Variants in PDE10A observed in about 807,000 individuals in gnomAD.
PDE10A encodes the protein phosphodiesterase 10A, also known as cAMP and cAMP-inhibited cGMP 3',5'-cyclic phosphodiesterase 10A.
Under a neutral mutation model 97.7 loss-of-function variants are expected in PDE10A, and 39 were observed. The ratio of observed to expected loss-of-function variants is 0.40; its 90% CI spans 0.31 to 0.52. The LOEUF (loss-of-function observed/expected upper bound fraction) is 0.52, where lower values mean the gene tolerates loss of function less well. Ranked by LOEUF, PDE10A falls within the 20% of genes least tolerant of loss-of-function variation. The pLI is 0.56. For missense variants in PDE10A, 731 were observed against 1,047.8 expected (o/e 0.70, Z 4.17); for synonymous variants, 371 against 376.8 (o/e 0.98, Z 0.18).
chr6:165,886,675 G>A (rs1455430041), intron 1 of PDE10A, among the ~76,000 whole-genome samples: 5 of 152,184 alleles, frequency 3.3e-5, no homozygotes, highest in African/African-American at 1.2e-4. Flanking sequence ...TGTTGGCTTG[G>A]TTTGGGGTTC....
intron 1 of PDE10A, among the ~76,000 whole-genome samples, chr6:165,855,870 C>G (rs1780718936): frequency 6.6e-6 from 1 of 152,154 alleles, no homozygotes; most frequent in South Asian, 2.1e-4. Context: ...TCGGAAGTGT[C>G]AGGAAGCCCC....
At chr6:165,430,685 G>C (rs751101734) in intron 8 of PDE10A, among the ~76,000 whole-genome samples, 25 of 152,080 alleles carry the variant, frequency 1.6e-4, no homozygotes, top group Admixed American at 2.6e-4. Context: ...GTCGACCCAA[G>C]TCTCTCTTTA....
intron 18 of PDE10A, among the ~76,000 whole-genome samples, chr6:165,347,862 G>A (rs143505881): frequency 0.01 from 1,571 of 152,202 alleles, 22 homozygotes; most frequent in African/African-American, 0.036. Context: ...TAAAAAACAG[G>A]TAACACATCA....
At chr6:165,477,801 T>A (rs1312187751) in intron 3 of PDE10A, among the ~76,000 whole-genome samples, 1 of 152,234 alleles carries the variant, frequency 6.6e-6, no homozygotes, top group Non-Finnish European at 1.5e-5. Context: ...AAAGATGGAA[T>A]GAAGGTGAAA....
chr6:165,533,341 A>C (rs182394142), intron 2 of PDE10A, among the ~76,000 whole-genome samples: 1 of 152,288 alleles, frequency 6.6e-6, no homozygotes, highest in East Asian at 1.9e-4. Context: ...TAGATGGTAT[A>C]GCCTACTTCA....
chr6:165,373,902 T>TA (rs1784433908), intron 18 of PDE10A, among the ~76,000 whole-genome samples: 1 of 151,528 alleles, frequency 6.6e-6, no homozygotes, highest in Non-Finnish European at 1.5e-5. Flanking sequence ...TATGCAGCCA[T>TA]AAAAAATGAT....
At chr6:165,870,030 T>G (rs1203938017) in intron 1 of PDE10A, among the ~76,000 whole-genome samples, 1 of 152,108 alleles carries the variant, frequency 6.6e-6, no homozygotes, top group Non-Finnish European at 1.5e-5. Flanking sequence ...TTCGGGATAT[T>G]GGTTTAGGCA....
At chr6:165,917,584 A>G (rs1782642036) in intron 1 of PDE10A, among the ~76,000 whole-genome samples, 2 of 152,234 alleles carry the variant, frequency 1.3e-5, no homozygotes, top group African/African-American at 4.8e-5. Context: ...ACAAGGGCAG[A>G]TCAGCATGCT....
chr6:165,388,473 G>A lies in PDE10A; in HGVS notation c.2455-20C>T, dbSNP rs371393895. 6 of 1,611,760 alleles carry A rather than the reference G, an allele frequency of 3.7e-6. No individual in the cohort carries two copies. Among genetic ancestry groups the A allele is most frequent in the Non-Finnish European group, 4.2e-6 (5 of 1,178,476 alleles). ...TTTGCGCTTTAAAAAATAATATGAT[G>A]CAGAGATGCTCAAAACACAGAAACA... On this transcript the variant is annotated intron_variant, in intron 16 of 21. Coordinates refer to ENST00000539869, the MANE Select transcript of PDE10A (RefSeq NM_001385079.1). The surrounding 1 kb of genome is among the most constrained non-coding windows in gnomAD (Gnocchi z 4.0).
chr6:165,437,959 G>A (rs1041597742), intron 5 of PDE10A, among the ~76,000 whole-genome samples: 1 of 152,106 alleles, frequency 6.6e-6, no homozygotes, highest in Non-Finnish European at 1.5e-5. Context: ...AAATGATTTT[G>A]GCAGTTGAAT....
chr6:165,345,662 C>T (rs1229570003), intron 18 of PDE10A, among the ~76,000 whole-genome samples: 1 of 152,216 alleles, frequency 6.6e-6, no homozygotes, highest in African/African-American at 2.4e-5. Flanking sequence ...AGGAGCCCAA[C>T]ACAATGCCTA....
intron 1 of PDE10A, among the ~76,000 whole-genome samples, chr6:165,553,302 C>G (rs900240642): frequency 5.3e-5 from 8 of 151,852 alleles, no homozygotes; most frequent in Admixed American, 3.3e-4. Flanking sequence ...AGGTGACAGA[C>G]GTAAACAGTT....
chr6:165,693,126 A>T (rs1179603876), intron 1 of PDE10A, among the ~76,000 whole-genome samples: 1 of 152,192 alleles, frequency 6.6e-6, no homozygotes, highest in East Asian at 1.9e-4. Context: ...CATTTCCTGG[A>T]TGTAGTGATT....
At chr6:165,549,760 C>T (rs1032599269) in intron 1 of PDE10A, among the ~76,000 whole-genome samples, 4 of 152,164 alleles carry the variant, frequency 2.6e-5, no homozygotes, top group East Asian at 1.9e-4. Context: ...TAAGCCAAAG[C>T]CTTTATTATT....
intron 1 of PDE10A, among the ~76,000 whole-genome samples, chr6:165,849,506 C>T (rs756039561): frequency 7.2e-5 from 11 of 152,240 alleles, no homozygotes; most frequent in Non-Finnish European, 1.6e-4. Flanking sequence ...AATATGTTCT[C>T]TTCTGTTCCT....
At chr6:165,650,215 A>C (rs1789609128) in intron 1 of PDE10A, among the ~76,000 whole-genome samples, 1 of 152,324 alleles carries the variant, frequency 6.6e-6, no homozygotes, top group East Asian at 1.9e-4. Context: ...ATTCACCGTT[A>C]ATTCAATGCC....
At chr6:165,515,236 T>C (rs1412978455) in intron 2 of PDE10A, among the ~76,000 whole-genome samples, 1 of 152,184 alleles carries the variant, frequency 6.6e-6, no homozygotes, top group Non-Finnish European at 1.5e-5. Flanking sequence ...TTTAAGGTCA[T>C]AAGTTCACAG....
intron 2 of PDE10A, among the ~76,000 whole-genome samples, chr6:165,510,916 CTCTTAG>C (rs1781471629): frequency 6.6e-6 from 1 of 151,758 alleles, no homozygotes; most frequent in Admixed American, 6.6e-5. Context: ...TAGGTCTTCT[CTCTTAG>C]TCTAACTAAT....
chr6:165,770,786 C>T (rs1466858145), intron 1 of PDE10A, among the ~76,000 whole-genome samples: 2 of 152,186 alleles, frequency 1.3e-5, no homozygotes, highest in African/African-American at 2.4e-5. Flanking sequence ...ATTTCACTCT[C>T]GAACCATTTG....
Sources: allele counts gnomAD v4.1 joint callset (sites outside exome capture counted in the v4.1 genomes callset), GRCh38; gene constraint gnomAD v4.1.1; non-coding constraint Gnocchi (gnomAD v3.1); transcripts MANE v1.5; gene names NCBI Gene and HGNC (gene_info 2026-07-23, HGNC 2026-07-21).